Variants in SLC22A2 observed in about 807,000 individuals in gnomAD.
SLC22A2 encodes the protein solute carrier family 22 member 2.
In SLC22A2, 46 loss-of-function variants were observed where a neutral mutation model predicts 60.5. The observed-to-expected ratio is 0.76, with a 90% CI of 0.60 to 0.97. The LOEUF is 0.97. Among genes scored for constraint, SLC22A2 ranks in the 50% least tolerant of loss-of-function variants. SLC22A2 has a pLI of 0.00. For synonymous variants in SLC22A2, 303 were observed against 267.0 expected (o/e 1.13, Z -1.31); for missense variants, 701 against 706.6 (o/e 0.99, Z 0.09).
At chr6:160,246,695 C>T (rs1025156325) in intron 5 of SLC22A2, among the ~76,000 whole-genome samples, 3 of 151,860 alleles carry the variant, frequency 2.0e-5, no homozygotes, top group Non-Finnish European at 4.4e-5. Flanking sequence ...TGCAGTGAGC[C>T]GAGATTGTGC....
In SLC22A2 at chr6:160,258,550, C is replaced by G. The variant is rs1408066869; in HGVS notation, c.208G>C (p.Glu70Gln). ...SLRCGWSPAE[E>Q]LNYTVPGPGP... ...GGGCCCGGCACCGTGTAGTTCAGTT[C>G]CTCTGCAGGACTCCAGCCGCAGCGC... The change falls in exon 1 of 11, where the codon GAA becomes CAA. Residue 70 changes from glutamate (E) to glutamine (Q), a missense_variant. Glu to Gln is a conservative substitution (Grantham distance 29). Coordinates refer to ENST00000366953, the MANE Select transcript of SLC22A2 (RefSeq NM_003058.4). 3 of 1,613,938 alleles carry G rather than the reference C, an allele frequency of 1.9e-6. No homozygotes were observed. The highest frequency in any genetic ancestry group is 4.5e-5 in the East Asian group (2 of 44,876).
chr6:160,256,496 C>G, intron 2 of SLC22A2, 118 bp downstream of exon 2: 1 of 698,360 alleles, frequency 1.4e-6, no homozygotes, highest in Non-Finnish European at 2.6e-6. Context: ...GCATGAAGGC[C>G]AGGAGATTGT....
At chr6:160,218,621 AC>A (rs1363058465) in intron 10 of SLC22A2, among the ~76,000 whole-genome samples, 1 of 51,320 alleles carries the variant, frequency 1.9e-5, no homozygotes, top group Non-Finnish European at 3.7e-5. Flanking sequence ...AGCAATAGCA[AC>A]AGTAGCAACA....
chr6:160,227,700 A>G (rs1410903014), intron 9 of SLC22A2, among the ~76,000 whole-genome samples: 1 of 152,216 alleles, frequency 6.6e-6, no homozygotes, highest in African/African-American at 2.4e-5. Flanking sequence ...TTTCTCTTGA[A>G]TAGGGACTGG....
chr6:160,252,630 A>T (rs1337077258), intron 2 of SLC22A2, among the ~76,000 whole-genome samples: 1 of 152,168 alleles, frequency 6.6e-6, no homozygotes, highest in African/African-American at 2.4e-5. Flanking sequence ...TAAGTCTTTT[A>T]GCTACTTGTG....
intron 9 of SLC22A2, among the ~76,000 whole-genome samples, chr6:160,238,938 G>C (rs1313449517): frequency 1.3e-5 from 2 of 152,072 alleles, no homozygotes; most frequent in African/African-American, 2.4e-5. Context: ...GGGTAAAATG[G>C]GGCTGAGACC....
At chr6:160,226,399 C>T (rs903990646) in intron 9 of SLC22A2, among the ~76,000 whole-genome samples, 2 of 152,206 alleles carry the variant, frequency 1.3e-5, no homozygotes, top group Non-Finnish European at 2.9e-5. Context: ...TGCAATTCCC[C>T]TGTCTGGAGA....
intron 5 of SLC22A2, among the ~76,000 whole-genome samples, chr6:160,246,110 C>T (rs1783090785): frequency 6.6e-6 from 1 of 151,730 alleles, no homozygotes. Context: ...TAGTGATCTG[C>T]CCGCCTCGGC....
intron 1 of SLC22A2, chr6:160,257,673 GCT>G (rs774501072): frequency 2.6e-5 from 4 of 152,158 alleles, no homozygotes; most frequent in South Asian, 2.1e-4. Flanking sequence ...TAGGCAACTG[GCT>G]CTCTCAGTAT....
chr6:160,218,690 TCAGCAGCAGCAGCAACAGCAA>T (rs1782582402), intron 10 of SLC22A2, among the ~76,000 whole-genome samples: 1 of 868 alleles, frequency 1.2e-3, no homozygotes. Context: ...AGTAACAGCA[TCAGCAGCAGCAGCAACAGCAA>T]CAGCAGCAGC....
At chr6:160,251,463 T>C (rs1216739610) in intron 2 of SLC22A2, among the ~76,000 whole-genome samples, 3 of 152,136 alleles carry the variant, frequency 2.0e-5, no homozygotes, top group Non-Finnish European at 4.4e-5. Flanking sequence ...GAAAAGAGGA[T>C]TAAGTGAGAT....
chr6:160,242,828 G>A (rs926101368), intron 7 of SLC22A2, among the ~76,000 whole-genome samples: 3 of 152,090 alleles, frequency 2.0e-5, no homozygotes, highest in Non-Finnish European at 4.4e-5. Flanking sequence ...TTCACTCTTG[G>A]TGGTACACCT....
chr6:160,258,617 AG>A lies in SLC22A2; in HGVS notation c.140del (p.Pro47LeufsTer13). On this transcript the variant is annotated frameshift_variant, in exon 1 of 11. Transcript: ENST00000366953. LOFTEE classifies it high-confidence loss of function. ...YVGIVFLGFT[P>X]DHRCRSPGVA... Reference sequence around the variant, plus strand: ...CTCCGGGGCTCCGGCAGCGGTGGTCAGGGGTGAAGCCCAGGAAGACGATGCC... The same window carrying A: ...CTCCGGGGCTCCGGCAGCGGTGGTCAGGGTGAAGCCCAGGAAGACGATGCC... 1 of 1,613,918 alleles carries A rather than the reference AG, an allele frequency of 6.2e-7. No individual in the cohort carries two copies. The highest frequency in any genetic ancestry group is 8.5e-7 in the Non-Finnish European group (1 of 1,179,950).
rs1014024980 is a variant in SLC22A2, at chr6:160,258,479, C to G, written c.279G>C (p.Glu93Asp). 1.2e-6 allele frequency: 2 copies of G among 1,614,050 alleles called. No homozygotes were observed. The highest frequency in any genetic ancestry group is 1.7e-5 in the Admixed American group (1 of 60,010). ...CGAAGGTGCTCTGGTTCCAGTCCAC[C>G]TCGTAGCGCCTACACTGTCTTGGGG... The part of the protein sequence containing the change: ...EASPRQCRRY[E>D]VDWNQSTFDC... Residue 93 changes from glutamate to aspartate, a missense_variant, in exon 1 of 11, where the codon GAG (glutamate) becomes GAC (aspartate). Physicochemically the swap from Glu to Asp is conservative, Grantham distance 45. Transcript: ENST00000366953.
At chr6:160,236,861 C>A (rs1196334965) in intron 9 of SLC22A2, among the ~76,000 whole-genome samples, 1 of 151,608 alleles carries the variant, frequency 6.6e-6, no homozygotes, top group Admixed American at 6.6e-5. Context: ...CTGGGCTTGG[C>A]TTTGAAAAAA....
At chr6:160,245,305 C>A (rs887823231) in intron 6 of SLC22A2, 134 bp downstream of exon 6, 2 of 525,430 alleles carry the variant, frequency 3.8e-6, no homozygotes, top group Non-Finnish European at 6.7e-6. Flanking sequence ...GGAAAACCTA[C>A]CAGACACAAC....
At chr6:160,220,291 T>A (rs1782625035) in intron 10 of SLC22A2, among the ~76,000 whole-genome samples, 1 of 152,256 alleles carries the variant, frequency 6.6e-6, no homozygotes, top group Admixed American at 6.5e-5. Context: ...AAGCAACTCC[T>A]CATCTGTTCA....
chr6:160,245,894 G>T (rs562922638), intron 5 of SLC22A2, among the ~76,000 whole-genome samples: 8 of 142,246 alleles, frequency 5.6e-5, no homozygotes, highest in Non-Finnish European at 1.2e-4. Flanking sequence ...CCGAGACAGG[G>T]TCTTGCTCTA....
intron 10 of SLC22A2, chr6:160,218,307 C>T: frequency 2.9e-6 from 1 of 349,832 alleles, no homozygotes; most frequent in Non-Finnish European, 5.5e-6. Context: ...ACAACAACTA[C>T]AGCAGCAGAA....
Sources: allele counts gnomAD v4.1 joint callset (sites outside exome capture counted in the v4.1 genomes callset), GRCh38; gene constraint gnomAD v4.1.1; transcripts MANE v1.5; gene names NCBI Gene and HGNC (gene_info 2026-07-23, HGNC 2026-07-21).